The following FBXO32 variants were observed in gnomAD, a reference collection of about 807,000 sequenced individuals.
FBXO32 encodes F-box protein 32, also known as F-box only protein 32.
A neutral mutation model predicts 48.3 loss-of-function variants in FBXO32; 15 were observed. The ratio of observed to expected loss-of-function variants is 0.31; its 90% CI spans 0.21 to 0.48. The LOEUF (loss-of-function observed/expected upper bound fraction) is 0.48. Ranked by LOEUF, FBXO32 falls within the 20% of genes least tolerant of loss-of-function variation. The probability of loss-of-function intolerance (pLI) is 0.99; values close to 1 mark genes in which losing one functional copy is unlikely to be tolerated. For synonymous variants in FBXO32, 154 were observed against 165.9 expected (o/e 0.93, Z 0.55); for missense variants, 309 against 432.7 (o/e 0.71, Z 2.54).
chr8:123,540,789 C>A lies in FBXO32; in HGVS notation c.116+110G>T. The A allele has an allele frequency of 2.2e-6, 2 of 914,036 alleles. No homozygotes were observed. The highest frequency in any genetic ancestry group is 3.4e-6 in the Non-Finnish European group (2 of 589,190). The allele number at this position is 914,036 out of a possible 1,614,324, so 56.6% of individuals were successfully genotyped here. On this transcript the variant is annotated intron_variant, in intron 1 of 8. Transcript: ENST00000517956. The surrounding 1 kb of genome is among the most constrained non-coding windows in gnomAD (Gnocchi z 6.4). ...TCCCACCCTCCGGGTCAGGGTCTCC[C>A]TCCTCAGCCCGCTCCAGCCCTGCCT...
chr8:123,499,911 T>A lies in FBXO32; in HGVS notation c.*3462A>T, dbSNP rs988537288. 1 of 152,228 alleles carries A rather than the reference T, an allele frequency of 6.6e-6. No homozygotes were observed. The highest frequency in any genetic ancestry group is 1.5e-5 in the Non-Finnish European group (1 of 68,050). 9.4% of individuals were successfully genotyped at this position (152,228 alleles called of 1,614,324 possible). A position where few individuals can be genotyped will look rare whatever the true frequency, so the allele number is the denominator to read the frequency against. The stretch of plus-strand genomic sequence containing the variant: ...GTGCTAGTAGAACCTGCTCTAGTGT[T>A]CAGAGTTTTGCAGTACAAACCCAGT... On this transcript the variant is annotated 3_prime_UTR_variant, in exon 9 of 9. Transcript: ENST00000517956.
chr8:123,530,060 C>T (rs978530589), intron 4 of FBXO32, among the ~76,000 whole-genome samples: 4 of 152,168 alleles, frequency 2.6e-5, no homozygotes, highest in African/African-American at 7.2e-5. Flanking sequence ...AGGTGACCTC[C>T]GTGAACTTGC....
chr8:123,520,779 G>C (rs1816935809), intron 4 of FBXO32, among the ~76,000 whole-genome samples: 1 of 152,124 alleles, frequency 6.6e-6, no homozygotes. Flanking sequence ...ATCCTCAAAT[G>C]GCTTCTCCTT....
rs1817057224 is a variant in FBXO32 at position 123,525,604 on chromosome 8, A to G, written c.372+6294T>C. On this transcript the variant is annotated intron_variant, in intron 4 of 8. Coordinates refer to ENST00000517956, the MANE Select transcript of FBXO32 (RefSeq NM_058229.4). This position sits in a 1 kb window ranked among gnomAD's most constrained non-coding sequence, Gnocchi z 4.3. ...TTGCATTTTGCCCTCTAAGCAATGCAGTCGAAAGGAGAGAACACTGGAGCA... is the reference window on the plus strand; with the variant it reads ...TTGCATTTTGCCCTCTAAGCAATGCGGTCGAAAGGAGAGAACACTGGAGCA... 6.6e-6 allele frequency among the ~76,000 whole-genome samples: 1 copy of G among 152,244 alleles called. No individual in the cohort carries two copies. The highest frequency in any genetic ancestry group is 2.1e-4 in the South Asian group (1 of 4,830).
chr8:123,541,067 C>G lies in FBXO32; in HGVS notation c.-53G>C, dbSNP rs1206445377. On this transcript the variant is annotated 5_prime_UTR_variant, in exon 1 of 9. Coordinates refer to ENST00000517956, the MANE Select transcript of FBXO32 (RefSeq NM_058229.4). The stretch of plus-strand genomic sequence containing the variant: ...GGAGACGGGGCCGGCCTGGTGGGCT[C>G]GGGGACGTGCCACCCGGGGCGGATG... The G allele has an allele frequency of 8.0e-7, 1 of 1,252,756 alleles. No homozygotes were observed. Among genetic ancestry groups the G allele is most frequent in the Non-Finnish European group, 1.1e-6 (1 of 919,560 alleles). 77.6% of individuals were successfully genotyped at this position (1,252,756 alleles called of 1,614,324 possible).
chr8:123,540,837 GC>G lies in FBXO32; in HGVS notation c.116+61del. On this transcript the variant is annotated intron_variant, in intron 1 of 8. Coordinates refer to ENST00000517956, the MANE Select transcript of FBXO32 (RefSeq NM_058229.4). This position sits in a 1 kb window ranked among gnomAD's most constrained non-coding sequence, Gnocchi z 6.4. Reference sequence around the variant, plus strand: ...CCTGCCCCTCATTCGCCGTCCCTGCGCCCCCCAGACCAGCCCGGGTCAGTTT... The same window carrying G: ...CCTGCCCCTCATTCGCCGTCCCTGCGCCCCCAGACCAGCCCGGGTCAGTTT... 5.0e-6 allele frequency: 7 copies of G among 1,396,408 alleles called. No individual in the cohort carries two copies. The highest frequency in any genetic ancestry group is 5.0e-5 in the East Asian group (2 of 40,166). 86.5% of individuals were successfully genotyped at this position (1,396,408 alleles called of 1,614,324 possible). A position where few individuals can be genotyped will look rare whatever the true frequency, so the allele number is the denominator to read the frequency against.
rs977991597 is a variant in FBXO32, at chr8:123,513,445, T to C, written c.467-63A>G. On this transcript the variant is annotated intron_variant, in intron 5 of 8. Coordinates refer to ENST00000517956, the MANE Select transcript of FBXO32 (RefSeq NM_058229.4). This position sits in a 1 kb window ranked among gnomAD's most constrained non-coding sequence, Gnocchi z 4.3. ...ACTGGAACACCCTGTATTTTACACA[T>C]GAGCTTGTCTCTGTCTGTATTCCAC... The C allele has an allele frequency of 9.5e-6, 13 of 1,371,292 alleles. No homozygotes were observed. Among genetic ancestry groups the C allele is most frequent in the African/African-American group, 7.2e-5 (5 of 69,468 alleles). 84.9% of individuals were successfully genotyped at this position (1,371,292 alleles called of 1,614,324 possible). A position where few individuals can be genotyped will look rare whatever the true frequency, so the allele number is the denominator to read the frequency against.
intron 2 of FBXO32, among the ~76,000 whole-genome samples, chr8:123,534,122 C>CAA (rs74355915): frequency 0.16 from 21,332 of 132,458 alleles, 1,719 homozygotes; most frequent in South Asian, 0.25. Context: ...CAAAAAACAC[C>CAA]AAAAAAAAAA....
Position 123,534,703 on chromosome 8 carries a change from C to G in FBXO32, c.228G>C (p.Gln76His). Residue 76 changes from glutamine (Q) to histidine (H), a missense_variant and splice_region_variant, in exon 2 of 9, where the codon CAG becomes CAC. Physicochemically the swap from Gln to His is conservative, Grantham distance 24 (BLOSUM62 0). Coordinates refer to ENST00000517956, the MANE Select transcript of FBXO32 (RefSeq NM_058229.4). ...TGAAGTTCAAAACAAATGGCTTACA[C>G]TGAGTTTTGGTTTTGCTATTCAGCA... ...KDMLNSKTKT[Q>H]YFHQEKWIYV... 6.2e-7 allele frequency: 1 copy of G among 1,604,252 alleles called. No individual in the cohort carries two copies. Among genetic ancestry groups the G allele is most frequent in the Admixed American group, 1.7e-5 (1 of 59,948 alleles).
chr8:123,512,345 A>G (rs1001269808), intron 6 of FBXO32, among the ~76,000 whole-genome samples: 23 of 152,200 alleles, frequency 1.5e-4, no homozygotes, highest in African/African-American at 4.8e-4. Context: ...AAAGAAGCCA[A>G]AGGATTTCTT....
chr8:123,514,783 A>C (rs955572496), intron 4 of FBXO32, among the ~76,000 whole-genome samples: 5 of 152,212 alleles, frequency 3.3e-5, no homozygotes, highest in African/African-American at 1.2e-4. Flanking sequence ...AGCCATGTGC[A>C]CTTTTTCCAT....
intron 7 of FBXO32, 67 bp from the exon 8 acceptor site, chr8:123,504,814 G>T: frequency 6.5e-7 from 1 of 1,528,706 alleles, no homozygotes; most frequent in Non-Finnish European, 8.9e-7. Context: ...GTGGTTTTCC[G>T]GTTCTGAAAA....
chr8:123,528,319 T>A (rs1817130723), intron 4 of FBXO32, among the ~76,000 whole-genome samples: 1 of 152,186 alleles, frequency 6.6e-6, no homozygotes, highest in Non-Finnish European at 1.5e-5. Flanking sequence ...TCCTCTGACC[T>A]CTCTGTGGCC....
intron 3 of FBXO32, 95 bp from the exon 4 acceptor site, chr8:123,532,085 C>A: frequency 6.4e-7 from 1 of 1,552,852 alleles, no homozygotes; most frequent in South Asian, 1.2e-5. Context: ...CTGGATTTTG[C>A]CGAATGAGCT....
In FBXO32 at chr8:123,506,373, C is replaced by T; in HGVS notation, c.834+19G>A. 6.2e-7 allele frequency: 1 copy of T among 1,611,372 alleles called. No homozygotes were observed. On this transcript the variant is annotated intron_variant, in intron 7 of 8. Coordinates refer to ENST00000517956, the MANE Select transcript of FBXO32 (RefSeq NM_058229.4). This position sits in a 1 kb window ranked among gnomAD's most constrained non-coding sequence, Gnocchi z 4.0. ...CCAGAGAAGGAGGGTGGGAGGAAAG[C>T]CCACTGGGCCTTGCTGACCTGCCGC...
At chr8:123,519,856 C>T (rs749168655) in intron 4 of FBXO32, among the ~76,000 whole-genome samples, 7 of 152,094 alleles carry the variant, frequency 4.6e-5, no homozygotes, top group East Asian at 1.9e-4. Context: ...GGCGTGATTT[C>T]GGCTCATTGC....
Position 123,506,389 on chromosome 8 carries a change from G to T in FBXO32, c.834+3C>A. The T allele has an allele frequency of 1.2e-6, 2 of 1,612,872 alleles. No individual in the cohort carries two copies. Among genetic ancestry groups the T allele is most frequent in the South Asian group, 2.2e-5 (2 of 90,860 alleles). On this transcript the variant is annotated splice_donor_region_variant and intron_variant, in intron 7 of 8. Transcript: ENST00000517956. This position sits in a 1 kb window ranked among gnomAD's most constrained non-coding sequence, Gnocchi z 4.0. ...GGAGGAAAGCCCACTGGGCCTTGCT[G>T]ACCTGCCGCTCGGAGAAGTGGTACT...
At chr8:123,510,931 A>G (rs73705945) in intron 6 of FBXO32, among the ~76,000 whole-genome samples, 2,158 of 152,320 alleles carry the variant, frequency 0.014, 50 homozygotes, top group African/African-American at 0.049. Context: ...CATAGATTGG[A>G]TGGTCAAAGA....
intron 1 of FBXO32, among the ~76,000 whole-genome samples, chr8:123,537,401 AC>A (rs1400813241): frequency 1.3e-5 from 2 of 152,206 alleles, no homozygotes; most frequent in East Asian, 3.8e-4. Context: ...GCCCCACATT[AC>A]CACATACCAA....
Sources: gnomAD v4.1 joint callset for allele counts (sites outside exome capture counted in the v4.1 genomes callset) on GRCh38, gnomAD v4.1.1 for gene constraint, Gnocchi (gnomAD v3.1) non-coding constraint, MANE v1.5 for transcripts, NCBI Gene and HGNC (gene_info 2026-07-23, HGNC 2026-07-21) for gene names.